NUDT3: variants seen among roughly 807,000 people sequenced by gnomAD.
NUDT3 encodes nudix hydrolase 3.
NUDT3 carries 9 observed loss-of-function variants against 23.6 expected under a neutral mutation model. The observed-to-expected ratio is 0.38, with a 90% CI of 0.23 to 0.66. The LOEUF (loss-of-function observed/expected upper bound fraction) is 0.66, where lower values mean the gene tolerates loss of function less well. NUDT3 is among the 30% of genes least tolerant of loss of function. The pLI, the probability that NUDT3 is intolerant of heterozygous loss-of-function variation, is 0.52. For missense variants in NUDT3, 172 were observed against 218.5 expected (o/e 0.79, Z 1.34); for synonymous variants, 86 against 82.6 (o/e 1.04, Z -0.22).
chr6:34,366,911 T>C (rs1222899146), intron 1 of NUDT3, among the ~76,000 whole-genome samples: 2 of 151,538 alleles, frequency 1.3e-5, no homozygotes, highest in African/African-American at 2.4e-5. Flanking sequence ...AAAATTTTTT[T>C]TGAGACAGTC....
chr6:34,303,781 G>A (rs1286423947), intron 2 of NUDT3, among the ~76,000 whole-genome samples: 1 of 152,078 alleles, frequency 6.6e-6, no homozygotes, highest in Non-Finnish European at 1.5e-5. Flanking sequence ...CAGCTTACAG[G>A]CCAAATCCAT....
At chr6:34,342,050 C>T in intron 1 of NUDT3, 78 bp from the exon 2 acceptor site, 1 of 1,290,086 alleles carries the variant, frequency 7.8e-7, no homozygotes, top group Non-Finnish European at 1.1e-6. Flanking sequence ...TTAAACACCA[C>T]AAACATCAAA....
intron 2 of NUDT3, among the ~76,000 whole-genome samples, chr6:34,313,933 A>G (rs1364776351): frequency 6.6e-6 from 1 of 151,548 alleles, no homozygotes; most frequent in Non-Finnish European, 1.5e-5. Context: ...CCCCGTCTCT[A>G]CTAAAAATAC....
chr6:34,366,824 T>A (rs541821719), intron 1 of NUDT3, among the ~76,000 whole-genome samples: 1 of 152,162 alleles, frequency 6.6e-6, no homozygotes, highest in Admixed American at 6.6e-5. Flanking sequence ...ATGTACTTAA[T>A]GCCACTGAAC....
rs1310294677 is a variant in NUDT3 at position 34,367,869 on chromosome 6, TG to T, written c.99+24394del. ...CAAAACTGGCTACCATTTTGGGGAG[TG>T]GGGAAAGCTCAGGACTGCCAGAAGA... On this transcript the variant is annotated intron_variant, in intron 1 of 4. Coordinates refer to ENST00000607016, the MANE Select transcript of NUDT3 (RefSeq NM_006703.4). Among the ~76,000 whole-genome samples the T allele has an allele frequency of 5.9e-5, 9 of 151,610 alleles. No individual in the cohort carries two copies. In the East Asian group the frequency reaches 1.8e-3, roughly 30 times the overall value.
chr6:34,322,292 A>G (rs575813549), intron 2 of NUDT3, among the ~76,000 whole-genome samples: 1 of 151,218 alleles, frequency 6.6e-6, no homozygotes, highest in East Asian at 2.0e-4. Flanking sequence ...GTGCAGTGGC[A>G]CGATTTCAGC....
intron 2 of NUDT3, among the ~76,000 whole-genome samples, chr6:34,303,197 ATTTTTTTTTTTTT>A (rs55915428): frequency 3.4e-4 from 25 of 74,552 alleles, no homozygotes; most frequent in East Asian, 1.2e-3. Flanking sequence ...ATACCTGGCA[ATTTTTTTTTTTTT>A]TTTTTTTTTT....
chr6:34,390,537 TA>T lies in NUDT3; in HGVS notation c.99+1726del, dbSNP rs1443430745. 1.4e-4 allele frequency among the ~76,000 whole-genome samples: 22 copies of T among 152,046 alleles called. No homozygotes were observed. In the East Asian group the frequency reaches 1.5e-3, roughly 11 times the overall value. ...TATTTCTAGTATGATTTATTATTATTATTTTTTTTTATATTTAGAGATGGGG... is the reference window on the plus strand; with the variant it reads ...TATTTCTAGTATGATTTATTATTATTTTTTTTTTTATATTTAGAGATGGGG... On this transcript the variant is annotated intron_variant, in intron 1 of 4. Transcript: ENST00000607016.
In NUDT3 at chr6:34,329,523, C is replaced by T. The variant is rs540450236; in HGVS notation, c.210+12339G>A. On this transcript the variant is annotated intron_variant, in intron 2 of 4. Coordinates refer to ENST00000607016, the MANE Select transcript of NUDT3 (RefSeq NM_006703.4). ...CACGAACTCCTGACCTCAGGTGATC[C>T]GCCTGCCTTGGCCTCCCAAAGTGCT... 5.3e-4 allele frequency among the ~76,000 whole-genome samples: 80 copies of T among 152,224 alleles called. 1 individual carries two copies. Among genetic ancestry groups the T allele is most frequent in the South Asian group, 4.8e-3 (23 of 4,824 alleles).
intron 1 of NUDT3, among the ~76,000 whole-genome samples, chr6:34,375,974 T>C (rs571821545): frequency 6.6e-6 from 1 of 152,302 alleles, no homozygotes; most frequent in East Asian, 1.9e-4. Context: ...TCAGTTTTGC[T>C]TTCTGTGTAC....
At chr6:34,351,902 A>G (rs1764485177) in intron 1 of NUDT3, among the ~76,000 whole-genome samples, 1 of 151,994 alleles carries the variant, frequency 6.6e-6, no homozygotes, top group Non-Finnish European at 1.5e-5. Context: ...TATGGCTTGA[A>G]TATTTTAGAA....
intron 1 of NUDT3, among the ~76,000 whole-genome samples, chr6:34,387,459 T>C (rs995958911): frequency 1.3e-5 from 2 of 152,004 alleles, no homozygotes; most frequent in African/African-American, 4.8e-5. Context: ...AAGTAAAATA[T>C]GGGTAGCCAG....
chr6:34,330,019 T>A (rs192211496), intron 2 of NUDT3, among the ~76,000 whole-genome samples: 275 of 152,354 alleles, frequency 1.8e-3, no homozygotes, highest in Non-Finnish European at 2.7e-3. Context: ...ACAGTGCCTA[T>A]GTGCCACATT....
Position 34,366,527 on chromosome 6 carries a change from C to G in NUDT3, c.100-24555G>C, listed in dbSNP as rs1205023926. On this transcript the variant is annotated intron_variant, in intron 1 of 4. Transcript: ENST00000607016. Reference sequence around the variant, plus strand: ...AGGGAGGGAGGGAGAGAAGGTAGTGCCAGGGGCAGAGAGGAGGCCAGAATG... The same window carrying G: ...AGGGAGGGAGGGAGAGAAGGTAGTGGCAGGGGCAGAGAGGAGGCCAGAATG... Among the ~76,000 whole-genome samples, 7 of 85,582 alleles carry G rather than the reference C, an allele frequency of 8.2e-5. No homozygotes were observed. In the East Asian group the frequency reaches 2.1e-3, roughly 25 times the overall value. The allele number at this position is 85,582 out of a possible 152,430, so 56.1% of individuals were successfully genotyped here. A position where few individuals can be genotyped will look rare whatever the true frequency, so the allele number is the denominator to read the frequency against.
intron 1 of NUDT3, among the ~76,000 whole-genome samples, chr6:34,371,249 T>C (rs1764822980): frequency 6.6e-6 from 1 of 151,972 alleles, no homozygotes; most frequent in Non-Finnish European, 1.5e-5. Flanking sequence ...GGCAGGCAGA[T>C]CAAGAGGTCA....
At chr6:34,339,497 T>C (rs530514563) in intron 2 of NUDT3, among the ~76,000 whole-genome samples, 2 of 152,222 alleles carry the variant, frequency 1.3e-5, no homozygotes, top group African/African-American at 4.8e-5. Flanking sequence ...TCTGATACAG[T>C]AGATCTGGGT....
Position 34,294,279 on chromosome 6 carries a change from C to T in NUDT3, c.256-744G>A, listed in dbSNP as rs528174550. 3.9e-5 allele frequency among the ~76,000 whole-genome samples: 6 copies of T among 152,182 alleles called. No homozygotes were observed. In the East Asian group the frequency reaches 1.2e-3, roughly 30 times the overall value. On this transcript the variant is annotated intron_variant, in intron 3 of 4. Coordinates refer to ENST00000607016, the MANE Select transcript of NUDT3 (RefSeq NM_006703.4). The stretch of plus-strand genomic sequence containing the variant: ...GGGATTACATATGTGAGCCACCACA[C>T]CCAGCCAATTTTTGTATTTTTTTGT...
In NUDT3 at chr6:34,297,747, ATATATATATATAATTTTTTTT is replaced by A. The variant is rs1561899047; in HGVS notation, c.211-2083_211-2063del. On this transcript the variant is annotated intron_variant, in intron 2 of 4. Transcript: ENST00000607016. ...AAAAAAAAAATATATATATATATATATATATATATATAATTTTTTTTTTTTTTTTAGTAGAGACGGGGTTTC... is the reference window on the plus strand; with the variant it reads ...AAAAAAAAAATATATATATATATATATTTTTTTTAGTAGAGACGGGGTTTC... 2.1e-4 allele frequency among the ~76,000 whole-genome samples: 23 copies of A among 111,002 alleles called. 1 individual carries two copies. The East Asian group carries it at 7.1e-3, about 34-fold the overall frequency. The allele number at this position is 111,002 out of a possible 152,430, so 72.8% of individuals were successfully genotyped here.
chr6:34,347,628 G>C (rs1764394781), intron 1 of NUDT3, among the ~76,000 whole-genome samples: 2 of 152,142 alleles, frequency 1.3e-5, no homozygotes, highest in African/African-American at 4.8e-5. Context: ...TGAAGGGAGG[G>C]AGAAATACAG....
Sources: allele counts gnomAD v4.1 joint callset (sites outside exome capture counted in the v4.1 genomes callset), GRCh38; gene constraint gnomAD v4.1.1; transcripts MANE v1.5; gene names NCBI Gene and HGNC (gene_info 2026-07-23, HGNC 2026-07-21).